MMP13: variants seen among roughly 807,000 people sequenced by gnomAD.
MMP13 encodes the protein matrix metallopeptidase 13.
A neutral mutation model predicts 52.1 loss-of-function variants in MMP13; 45 were observed. The observed-to-expected ratio is 0.86, with a 90% CI of 0.68 to 1.11. MMP13 has a LOEUF of 1.11. MMP13 is among the 50% of genes least tolerant of loss of function. MMP13 has a pLI of 0.00. For synonymous variants in MMP13, 200 were observed against 204.4 expected (o/e 0.98, Z 0.18); for missense variants, 576 against 583.8 (o/e 0.99, Z 0.14).
At position 102,949,243 on chromosome 11, in the gene MMP13, A is replaced by C; in HGVS notation, c.918-85T>G. On this transcript the variant is annotated intron_variant, in intron 6 of 9. Coordinates refer to ENST00000260302, the MANE Select transcript of MMP13 (RefSeq NM_002427.4). The surrounding 1 kb of genome is among the most constrained non-coding windows in gnomAD (Gnocchi z 4.2). The stretch of plus-strand genomic sequence containing the variant: ...GCTAGTCACCTCTCTCCACATCAAC[A>C]CAGACAAGTTAGATACAACCAATAC... 6.5e-7 allele frequency: 1 copy of C among 1,531,660 alleles called. No homozygotes were observed. Among genetic ancestry groups the C allele is most frequent in the African/African-American group, 1.4e-5 (1 of 73,208 alleles). 94.9% of individuals were successfully genotyped at this position (1,531,660 alleles called of 1,614,324 possible).
In MMP13 at chr11:102,955,195, A is replaced by G. The variant is rs562422447; in HGVS notation, c.362+57T>C. 7 of 1,588,106 alleles carry G rather than the reference A, an allele frequency of 4.4e-6. No homozygotes were observed. The South Asian group carries it at 6.6e-5, about 15-fold the overall frequency. Reference sequence around the variant, plus strand: ...TAATAAGGCCTACTTAATATTAGACATTTAATACTACAAGAAAAGGCTAAC... The same window carrying G: ...TAATAAGGCCTACTTAATATTAGACGTTTAATACTACAAGAAAAGGCTAAC... On this transcript the variant is annotated intron_variant, in intron 2 of 9. Coordinates refer to ENST00000260302, the MANE Select transcript of MMP13 (RefSeq NM_002427.4). This position sits in a 1 kb window ranked among gnomAD's most constrained non-coding sequence, Gnocchi z 4.9.
intron 2 of MMP13, 100 bp from the exon 3 acceptor site, chr11:102,954,706 T>C: frequency 8.6e-7 from 1 of 1,167,242 alleles, no homozygotes; most frequent in Non-Finnish European, 1.3e-6. Flanking sequence ...AATGCAATAA[T>C]TTCTTTGAAA....
chr11:102,950,322 G>C, intron 5 of MMP13, 95 bp from the exon 6 acceptor site: 1 of 1,003,266 alleles, frequency 1.0e-6, no homozygotes, highest in Non-Finnish European at 1.6e-6. Flanking sequence ...TGGACAGTGG[G>C]AGAGGGTTTC....
chr11:102,955,442 C>G lies in MMP13; in HGVS notation c.172G>C (p.Glu58Gln). The change falls in exon 2 of 10, where the codon GAG (glutamate) becomes CAG (glutamine). Residue 58 changes from glutamate to glutamine, a missense_variant. Coordinates refer to ENST00000260302, the MANE Select transcript of MMP13 (RefSeq NM_002427.4). The surrounding 1 kb of genome is among the most constrained non-coding windows in gnomAD (Gnocchi z 4.9). ...HPTNLAGILK[E>Q]NAASSMTERL... ...TCAGTCATGGAGCTTGCTGCATTCT[C>G]CTTCAGGATTCCCGCGAGATTTGTA... 6.2e-7 allele frequency: 1 copy of G among 1,614,050 alleles called. No individual in the cohort carries two copies. The highest frequency in any genetic ancestry group is 8.5e-7 in the Non-Finnish European group (1 of 1,179,960).
chr11:102,951,240 GT>G (rs1860606897), intron 5 of MMP13, among the ~76,000 whole-genome samples: 8 of 152,104 alleles, frequency 5.3e-5, no homozygotes, highest in Admixed American at 5.2e-4. Flanking sequence ...GGTTTCTACT[GT>G]GCCAGATTGG....
chr11:102,950,513 A>G (rs1365364134), intron 5 of MMP13, among the ~76,000 whole-genome samples: 16 of 151,090 alleles, frequency 1.1e-4, no homozygotes, highest in African/African-American at 3.7e-4. Context: ...AATTTGAGAA[A>G]TTTTCCCTAC....
intron 4 of MMP13, among the ~76,000 whole-genome samples, chr11:102,953,608 A>G (rs538318894): frequency 6.6e-6 from 1 of 152,118 alleles, no homozygotes; most frequent in Non-Finnish European, 1.5e-5. Flanking sequence ...TACAACCATC[A>G]TCTTGTCTGT....
Position 102,954,184 on chromosome 11 carries a change from A to G in MMP13, c.609T>C (p.Asp203=), listed in dbSNP as rs1591158785. 5 of 1,613,652 alleles carry G rather than the reference A, an allele frequency of 3.1e-6. No homozygotes were observed. The Admixed American group carries it at 8.3e-5, about 27-fold the overall frequency. The part of the protein sequence containing the change: ...PNYGGDAHFD[D]DETWTSSSKG... ...TGGAACTACTTGTCCAGGTTTCATC[A>G]TCATCAAAATGGGCATCTCCTCCAT... The change falls in exon 4 of 10, where the codon GAT becomes GAC. Residue 203 remains aspartate (D), a synonymous_variant. Transcript: ENST00000260302.
In MMP13 at chr11:102,954,218, C is replaced by T. The variant is rs753232756; in HGVS notation, c.575G>A (p.Gly192Glu). 8 of 1,613,340 alleles carry T rather than the reference C, an allele frequency of 5.0e-6. No individual in the cohort carries two copies. In the Admixed American group the frequency reaches 1.3e-4, roughly 27 times the overall value. ...SGLLAHAFPP[G>E]PNYGGDAHFD... ...ATGGGCATCTCCTCCATAATTTGGC[C>T]CAGGAGGAAAAGCATGAGCCAGCAG... The change falls in exon 4 of 10, where the codon GGG becomes GAG. Residue 192 changes from glycine (G) to glutamate (E), a missense_variant. Gly to Glu is a moderately conservative substitution (Grantham distance 98). Coordinates refer to ENST00000260302, the MANE Select transcript of MMP13 (RefSeq NM_002427.4).
In MMP13 at chr11:102,944,202, G is replaced by T; in HGVS notation, c.*64C>A. On this transcript the variant is annotated 3_prime_UTR_variant, in exon 10 of 10. Transcript: ENST00000260302. Reference sequence around the variant, plus strand: ...CTGATAGCTCTTCTTCCCCTACCCCGCACTTCTGGAAGTATTACCCCAAAT... The same window carrying T: ...CTGATAGCTCTTCTTCCCCTACCCCTCACTTCTGGAAGTATTACCCCAAAT... The T allele has an allele frequency of 8.3e-7, 1 of 1,202,812 alleles. No homozygotes were observed. The highest frequency in any genetic ancestry group is 1.2e-6 in the Non-Finnish European group (1 of 810,002). The allele number at this position is 1,202,812 out of a possible 1,614,324, so 74.5% of individuals were successfully genotyped here. A position where few individuals can be genotyped will look rare whatever the true frequency, so the allele number is the denominator to read the frequency against.
chr11:102,946,514 T>C (rs1197558220), intron 8 of MMP13, among the ~76,000 whole-genome samples: 6 of 152,170 alleles, frequency 3.9e-5, no homozygotes, highest in African/African-American at 1.4e-4. Context: ...TCATGAAATG[T>C]CATGGGAGTA....
rs781825443 is a variant in MMP13 at position 102,943,991 on chromosome 11, A to G, written c.*275T>C. Reference sequence around the variant, plus strand: ...CTCTCATTGACAGACCATGTGTCCCATTTGTGGTGTGGGAAGTATCATCAA... The same window carrying G: ...CTCTCATTGACAGACCATGTGTCCCGTTTGTGGTGTGGGAAGTATCATCAA... On this transcript the variant is annotated 3_prime_UTR_variant, in exon 10 of 10. Transcript: ENST00000260302. 7 of 401,856 alleles carry G rather than the reference A, an allele frequency of 1.7e-5. No individual in the cohort carries two copies. The highest frequency in any genetic ancestry group is 2.4e-5 in the Non-Finnish European group (5 of 210,978). 24.9% of individuals were successfully genotyped at this position (401,856 alleles called of 1,614,324 possible).
intron 4 of MMP13, among the ~76,000 whole-genome samples, chr11:102,953,227 T>C (rs1860641347): frequency 6.6e-6 from 1 of 152,196 alleles, no homozygotes; most frequent in East Asian, 1.9e-4. Context: ...AATTTGAGGC[T>C]TACTGTGATT....
intron 7 of MMP13, among the ~76,000 whole-genome samples, 173 bp downstream of exon 7, chr11:102,948,852 T>C (rs575595983): frequency 4.0e-4 from 61 of 152,206 alleles, no homozygotes; most frequent in Non-Finnish European, 7.8e-4. Context: ...ATGTTCAATT[T>C]GGAGATTCAT....
intron 8 of MMP13, among the ~76,000 whole-genome samples, chr11:102,946,912 T>C (rs1194604103): frequency 1.3e-5 from 2 of 152,148 alleles, no homozygotes; most frequent in South Asian, 2.1e-4. Flanking sequence ...TGTGTGTATG[T>C]AGAGATGGAG....
rs1224776169 is a variant in MMP13, at chr11:102,952,769, T to C, written c.638-596A>G. The stretch of plus-strand genomic sequence containing the variant: ...TCTAGACATGATTAGCCATCTTTTC[T>C]CTACTCTAGAAGACTACTATGTCAC... On this transcript the variant is annotated intron_variant, in intron 4 of 9. Transcript: ENST00000260302. The surrounding 1 kb of genome is among the most constrained non-coding windows in gnomAD (Gnocchi z 4.3). 6.6e-6 allele frequency among the ~76,000 whole-genome samples: 1 copy of C among 152,200 alleles called. No homozygotes were observed. The highest frequency in any genetic ancestry group is 1.5e-5 in the Non-Finnish European group (1 of 68,028).
chr11:102,955,178 C>T lies in MMP13; in HGVS notation c.362+74G>A. ...TTTAACTGCCAATTAAATAATAAGG[C>T]CTACTTAATATTAGACATTTAATAC... On this transcript the variant is annotated intron_variant, in intron 2 of 9. Coordinates refer to ENST00000260302, the MANE Select transcript of MMP13 (RefSeq NM_002427.4). This position sits in a 1 kb window ranked among gnomAD's most constrained non-coding sequence, Gnocchi z 4.9. 1.3e-6 allele frequency: 2 copies of T among 1,523,492 alleles called. No homozygotes were observed. Among genetic ancestry groups the T allele is most frequent in the Non-Finnish European group, 1.8e-6 (2 of 1,107,584 alleles). 94.4% of individuals were successfully genotyped at this position (1,523,492 alleles called of 1,614,324 possible). A position where few individuals can be genotyped will look rare whatever the true frequency, so the allele number is the denominator to read the frequency against.
At position 102,947,877 on chromosome 11, in the gene MMP13, T is replaced by A. The variant is rs1555016824; in HGVS notation, c.1211+14A>T. ...GCTATGACACAGATGGGTCAGTACC[T>A]ACTGCTGCCATACCTCCAGACCTGG... is the stretch of plus-strand genomic sequence containing the variant. On this transcript the variant is annotated intron_variant, in intron 8 of 9. Transcript: ENST00000260302. 6.2e-7 allele frequency: 1 copy of A among 1,613,796 alleles called. No homozygotes were observed. Among genetic ancestry groups the A allele is most frequent in the Non-Finnish European group, 8.5e-7 (1 of 1,179,790 alleles).
intron 8 of MMP13, among the ~76,000 whole-genome samples, chr11:102,946,245 C>T (rs1860505190): frequency 6.6e-6 from 1 of 152,148 alleles, no homozygotes; most frequent in Admixed American, 6.6e-5. Context: ...TAGCTTTCCC[C>T]CTCCATAACT....
Sources: allele counts gnomAD v4.1 joint callset (sites outside exome capture counted in the v4.1 genomes callset), GRCh38; gene constraint gnomAD v4.1.1; non-coding constraint Gnocchi (gnomAD v3.1); transcripts MANE v1.5; gene names NCBI Gene and HGNC (gene_info 2026-07-23, HGNC 2026-07-21).